NCKAP5: variants seen among roughly 807,000 people sequenced by gnomAD.
NCKAP5 encodes nck-associated protein 5.
In NCKAP5, 92 loss-of-function variants were observed where a neutral mutation model predicts 167.0. That is an observed-to-expected ratio of 0.55 (90% confidence interval 0.47 to 0.66). NCKAP5 has a LOEUF of 0.66. NCKAP5 is among the 30% of genes least tolerant of loss of function. NCKAP5 has a pLI of 0.00. For missense variants in NCKAP5, 2,378 were observed against 2,315.0 expected (o/e 1.03, Z -0.56); for synonymous variants, 891 against 877.4 (o/e 1.02, Z -0.27).
chr2:132,781,523 A>T (rs1047177940), intron 14 of NCKAP5, among the ~76,000 whole-genome samples: 1 of 152,254 alleles, frequency 6.6e-6, no homozygotes, highest in Non-Finnish European at 1.5e-5. Flanking sequence ...GCTTAAGAGC[A>T]GCAAGAAATA....
chr2:133,368,994 C>T (rs961282009), intron 3 of NCKAP5, among the ~76,000 whole-genome samples: 1 of 152,240 alleles, frequency 6.6e-6, no homozygotes, highest in Non-Finnish European at 1.5e-5. Flanking sequence ...ATCCAGACAA[C>T]AAGACCACTG....
intron 19 of NCKAP5, among the ~76,000 whole-genome samples, chr2:132,709,992 C>T (rs1441962471): frequency 5.9e-5 from 9 of 152,028 alleles, no homozygotes; most frequent in Non-Finnish European, 1.3e-4. Context: ...ATGACATTAG[C>T]TGACTAAACG....
At chr2:133,496,857 C>T (rs1030527224) in intron 3 of NCKAP5, among the ~76,000 whole-genome samples, 3 of 152,116 alleles carry the variant, frequency 2.0e-5, no homozygotes, top group African/African-American at 7.2e-5. Context: ...AAAAAAACTT[C>T]CCAAGTATAT....
chr2:133,504,827 A>G (rs1575073333), intron 3 of NCKAP5, among the ~76,000 whole-genome samples: 1 of 152,098 alleles, frequency 6.6e-6, no homozygotes, highest in Non-Finnish European at 1.5e-5. Context: ...TATGTAGTGG[A>G]AAAATGTTCC....
At chr2:132,843,477 T>G (rs1193670562) in intron 11 of NCKAP5, among the ~76,000 whole-genome samples, 1 of 152,108 alleles carries the variant, frequency 6.6e-6, no homozygotes, top group Non-Finnish European at 1.5e-5. Context: ...CTTCTAAACT[T>G]AAATTCCACT....
rs145786635 is a variant in NCKAP5, at chr2:133,162,319, C to T, written c.208-32208G>A. 1.7e-3 allele frequency among the ~76,000 whole-genome samples: 265 copies of T among 152,238 alleles called. 3 individuals are homozygous for T. The highest frequency in any genetic ancestry group is 6.8e-3 in the Middle Eastern group (2 of 294). On this transcript the variant is annotated intron_variant, in intron 5 of 19. Coordinates refer to ENST00000409261, the MANE Select transcript of NCKAP5 (RefSeq NM_207363.3). ...TTTAAAATTCACATAAAGCACTGTG[C>T]TAGAGATTAACGATCTATGTGGAAA...
intron 2 of NCKAP5, among the ~76,000 whole-genome samples, chr2:133,548,583 T>C (rs997583794): frequency 5.9e-5 from 9 of 151,902 alleles, no homozygotes; most frequent in African/African-American, 2.2e-4. Context: ...TCAACATTCT[T>C]AAAGACAAGA....
At chr2:133,035,326 C>T (rs145874916) in intron 6 of NCKAP5, among the ~76,000 whole-genome samples, 2 of 152,008 alleles carry the variant, frequency 1.3e-5, no homozygotes, top group African/African-American at 4.8e-5. Context: ...AGATTGCAGG[C>T]CCCACTTTCA....
At position 133,271,083 on chromosome 2, in the gene NCKAP5, C is replaced by T. The variant is rs932221355; in HGVS notation, c.143+31954G>A. Reference sequence around the variant, plus strand: ...TACAGTGGCCCGCCACCAGGCCCGGCTAATTTTTTTTTTTTTTTTTTCCTA... The same window carrying T: ...TACAGTGGCCCGCCACCAGGCCCGGTTAATTTTTTTTTTTTTTTTTTCCTA... On this transcript the variant is annotated intron_variant, in intron 4 of 19. Transcript: ENST00000409261. Among the ~76,000 whole-genome samples the T allele has an allele frequency of 5.7e-5, 8 of 139,564 alleles. No homozygotes were observed. The East Asian group carries it at 1.6e-3, about 28-fold the overall frequency. The allele number at this position is 139,564 out of a possible 152,430, so 91.6% of individuals were successfully genotyped here.
the NCKAP5 span, among the ~76,000 whole-genome samples, chr2:133,670,436 T>G: frequency 6.6e-6 from 1 of 152,240 alleles, no homozygotes; most frequent in Non-Finnish European, 1.5e-5. Flanking sequence ...TCAGAGATCT[T>G]TCTCAGGATA....
chr2:133,246,199 G>GA (rs2087981187), intron 4 of NCKAP5, among the ~76,000 whole-genome samples: 2 of 151,754 alleles, frequency 1.3e-5, no homozygotes, highest in South Asian at 4.2e-4. Flanking sequence ...TTCCTGGTGA[G>GA]GTAGGTAAAG....
At chr2:133,659,669 A>G in the NCKAP5 span, among the ~76,000 whole-genome samples, 1 of 152,196 alleles carries the variant, frequency 6.6e-6, no homozygotes. Flanking sequence ...AATGTGTACA[A>G]GGTTCCTTTC....
chr2:133,469,804 G>A (rs896211111), intron 3 of NCKAP5, among the ~76,000 whole-genome samples: 22 of 151,340 alleles, frequency 1.5e-4, no homozygotes, highest in Admixed American at 9.2e-4. Context: ...TGATCGCATC[G>A]GCTCCTGAGG....
At chr2:133,023,287 C>A (rs1360850504) in intron 6 of NCKAP5, among the ~76,000 whole-genome samples, 2 of 152,176 alleles carry the variant, frequency 1.3e-5, no homozygotes, top group African/African-American at 4.8e-5. Flanking sequence ...TTAATGTTCA[C>A]CAGCACTTTT....
chr2:132,711,439 G>A (rs991098052), intron 19 of NCKAP5, among the ~76,000 whole-genome samples: 3 of 152,148 alleles, frequency 2.0e-5, no homozygotes, highest in South Asian at 2.1e-4. Context: ...AGGTATTATC[G>A]TCATTTGGTG....
chr2:133,505,463 G>A (rs549442623), intron 3 of NCKAP5, among the ~76,000 whole-genome samples: 83 of 152,202 alleles, frequency 5.5e-4, no homozygotes, highest in African/African-American at 1.9e-3. Context: ...CATCTGGAAC[G>A]GCCACATCAG....
intron 3 of NCKAP5, among the ~76,000 whole-genome samples, chr2:133,495,851 A>C (rs74696364): frequency 0.024 from 3,717 of 152,252 alleles, 149 homozygotes; most frequent in African/African-American, 0.085. Flanking sequence ...TCTCAGGCAA[A>C]ATTTTATGCC....
intron 3 of NCKAP5, among the ~76,000 whole-genome samples, chr2:133,342,822 T>C (rs899964353): frequency 2.3e-4 from 35 of 152,188 alleles, no homozygotes; most frequent in African/African-American, 8.4e-4. Flanking sequence ...TCTTGACAGA[T>C]TTCACAGTGT....
intron 3 of NCKAP5, among the ~76,000 whole-genome samples, chr2:133,445,179 T>C (rs1691114817): frequency 6.6e-6 from 1 of 152,104 alleles, no homozygotes; most frequent in African/African-American, 2.4e-5. Context: ...CAAATCTAGG[T>C]ACATCTGAAT....
Sources: allele counts gnomAD v4.1 joint callset (sites outside exome capture counted in the v4.1 genomes callset), GRCh38; gene constraint gnomAD v4.1.1; transcripts MANE v1.5; gene names NCBI Gene and HGNC (gene_info 2026-07-23, HGNC 2026-07-21).